Variants in ZEB1 observed in about 807,000 individuals in gnomAD.
The protein encoded by ZEB1 is zinc finger E-box binding homeobox 1, also known as zinc finger E-box-binding homeobox 1.
In ZEB1, 21 loss-of-function variants were observed where a neutral mutation model predicts 84.9. The observed-to-expected ratio is 0.25, with a 90% CI of 0.18 to 0.36. The LOEUF (loss-of-function observed/expected upper bound fraction) is 0.36, where lower values mean the gene tolerates loss of function less well. Ranked by LOEUF, ZEB1 falls within the 10% of genes least tolerant of loss-of-function variation. The pLI is 1.00. For synonymous variants in ZEB1, 420 were observed against 471.1 expected (o/e 0.89, Z 1.41); for missense variants, 1,104 against 1,330.2 (o/e 0.83, Z 2.65).
intron 1 of ZEB1, 28 bp from the exon 2 acceptor site, chr10:31,461,009 G>T (rs1010988321): frequency 1.3e-6 from 2 of 1,586,126 alleles, no homozygotes; most frequent in South Asian, 2.2e-5. Context: ...AGTTGGTTTT[G>T]ATTATTTGTT....
At chr10:31,351,587 TAA>T (rs1180825136) in intron 1 of ZEB1, among the ~76,000 whole-genome samples, 1 of 152,160 alleles carries the variant, frequency 6.6e-6, no homozygotes, top group Non-Finnish European at 1.5e-5. Flanking sequence ...GTTTAAATCA[TAA>T]GAGACTCTTT....
At chr10:31,429,906 A>C (rs1234201764) in intron 1 of ZEB1, among the ~76,000 whole-genome samples, 1 of 151,608 alleles carries the variant, frequency 6.6e-6, no homozygotes, top group Non-Finnish European at 1.5e-5. Context: ...ATGCCTGGCT[A>C]ATTTTTGTAT....
intron 1 of ZEB1, among the ~76,000 whole-genome samples, chr10:31,379,960 C>G (rs1047791345): frequency 1.3e-5 from 2 of 152,076 alleles, no homozygotes; most frequent in Admixed American, 6.6e-5. Context: ...ACCTTTATTA[C>G]ATCCAACAAA....
chr10:31,377,375 T>C (rs770177861), intron 1 of ZEB1, among the ~76,000 whole-genome samples: 10 of 151,736 alleles, frequency 6.6e-5, no homozygotes, highest in African/African-American at 7.2e-5. Flanking sequence ...GCTCTGCCAC[T>C]AATAAACAGA....
intron 1 of ZEB1, among the ~76,000 whole-genome samples, chr10:31,439,919 C>A (rs186128062): frequency 6.6e-6 from 1 of 152,180 alleles, no homozygotes; most frequent in Admixed American, 6.5e-5. Flanking sequence ...GACAAGATTC[C>A]ACTGATGCTT....
At chr10:31,433,099 A>G (rs1363622434) in intron 1 of ZEB1, among the ~76,000 whole-genome samples, 1 of 152,206 alleles carries the variant, frequency 6.6e-6, no homozygotes, top group African/African-American at 2.4e-5. Context: ...AACCATATCA[A>G]TGAATTTTAT....
At chr10:31,376,345 T>C (rs2046619984) in intron 1 of ZEB1, among the ~76,000 whole-genome samples, 13 of 151,800 alleles carry the variant, frequency 8.6e-5, no homozygotes, top group Admixed American at 8.5e-4. Context: ...GGTTGTTCAT[T>C]TTGATGTAAA....
chr10:31,496,276 G>A (rs2067224841), intron 3 of ZEB1, among the ~76,000 whole-genome samples: 1 of 152,022 alleles, frequency 6.6e-6, no homozygotes, highest in Non-Finnish European at 1.5e-5. Context: ...TAAATCCGAT[G>A]AGAATCATGA....
At chr10:31,401,721 TC>T (rs1159889463) in intron 1 of ZEB1, among the ~76,000 whole-genome samples, 2 of 152,326 alleles carry the variant, frequency 1.3e-5, no homozygotes, top group African/African-American at 4.8e-5. Context: ...TGTTATCCCA[TC>T]AATTTTACTG....
intron 1 of ZEB1, among the ~76,000 whole-genome samples, chr10:31,391,231 TTGTGTGTGTGTG>T (rs780805467): frequency 5.1e-4 from 69 of 134,786 alleles, no homozygotes; most frequent in African/African-American, 8.3e-4. Context: ...ACAGGTAAGT[TTGTGTGTGTGTG>T]TGTGTGTGTG....
chr10:31,511,977 A>T (rs1200992965), intron 5 of ZEB1, among the ~76,000 whole-genome samples: 1 of 152,190 alleles, frequency 6.6e-6, no homozygotes, highest in Non-Finnish European at 1.5e-5. Flanking sequence ...ATGGTCCATA[A>T]GCCCATGAAG....
chr10:31,527,043 G>C lies in ZEB1; in HGVS notation c.3157G>C (p.Glu1053Gln). 2 of 1,584,796 alleles carry C rather than the reference G, an allele frequency of 1.3e-6. No individual in the cohort carries two copies. The highest frequency in any genetic ancestry group is 1.7e-6 in the Non-Finnish European group (2 of 1,163,550). The change falls in exon 9 of 9, where the codon GAA becomes CAA. Residue 1053 changes from glutamate to glutamine, a missense_variant. Physicochemically the swap from Glu to Gln is conservative, Grantham distance 29. Around this residue, in one of 7 missense-constraint regions of ZEB1, gnomAD observed 173 missense variants for 167.0 expected, o/e 1.04. Transcript: ENST00000424869. ...GGATAAAGAGATGGAAGAATTGCAGGAAGAAAAAGAATGTGAAAAACCACA... is the reference window on the plus strand; with the variant it reads ...GGATAAAGAGATGGAAGAATTGCAGCAAGAAAAAGAATGTGAAAAACCACA... ...EEDKEMEELQEEKECEKPQGD... is the reference protein window; with the variant it reads ...EEDKEMEELQQEKECEKPQGD...
At chr10:31,387,816 T>A in intron 1 of ZEB1, 1 of 954,462 alleles carries the variant, frequency 1.0e-6, no homozygotes, top group African/African-American at 1.8e-5. Flanking sequence ...ATCATAAAAT[T>A]TTTTATGTCA....
At chr10:31,346,336 T>A (rs1025107831) in intron 1 of ZEB1, among the ~76,000 whole-genome samples, 9 of 152,132 alleles carry the variant, frequency 5.9e-5, no homozygotes, top group Non-Finnish European at 1.3e-4. Flanking sequence ...GAATTCTAGT[T>A]ACAGAAACTA....
chr10:31,382,455 G>C (rs186107138), intron 1 of ZEB1, among the ~76,000 whole-genome samples: 1 of 152,198 alleles, frequency 6.6e-6, no homozygotes, highest in African/African-American at 2.4e-5. Context: ...TGTCCCATCT[G>C]TTATCATATA....
In ZEB1 at chr10:31,527,273, C is replaced by T; in HGVS notation, c.*9C>T. ...AGACAAATGAAGCCTAATCGTTTTT[C>T]TAGAAGGAAAATAAATTCTAATTGA... On this transcript the variant is annotated 3_prime_UTR_variant, in exon 9 of 9. Transcript: ENST00000424869. The T allele has an allele frequency of 6.3e-7, 1 of 1,594,560 alleles. No homozygotes were observed. Among genetic ancestry groups the T allele is most frequent in the Non-Finnish European group, 8.5e-7 (1 of 1,172,994 alleles).
intron 1 of ZEB1, among the ~76,000 whole-genome samples, chr10:31,446,892 G>T (rs1459550651): frequency 6.6e-6 from 1 of 152,132 alleles, no homozygotes; most frequent in Non-Finnish European, 1.5e-5. Flanking sequence ...ATATTCTTTT[G>T]ATTTGGGGTG....
At chr10:31,522,420 G>A (rs1012438389) in intron 7 of ZEB1, among the ~76,000 whole-genome samples, 1 of 152,206 alleles carries the variant, frequency 6.6e-6, no homozygotes, top group African/African-American at 2.4e-5. Flanking sequence ...AAACAGGAAT[G>A]AAGTATACAA....
At chr10:31,445,832 G>C (rs2136789815) in intron 1 of ZEB1, among the ~76,000 whole-genome samples, 1 of 111,584 alleles carries the variant, frequency 9.0e-6, no homozygotes, top group East Asian at 2.5e-4. Flanking sequence ...ATTTTATTGA[G>C]GATTTTTGCA....
Sources: allele counts gnomAD v4.1 joint callset (sites outside exome capture counted in the v4.1 genomes callset), GRCh38; gene constraint gnomAD v4.1.1; regional missense constraint gnomAD v4.1.1; transcripts MANE v1.5; gene names NCBI Gene and HGNC (gene_info 2026-07-23, HGNC 2026-07-21).